Variants in TAS2R16 observed in about 807,000 individuals in gnomAD.
TAS2R16 encodes taste 2 receptor member 16.
Under a neutral mutation model 5.0 loss-of-function variants are expected in TAS2R16, and 5 were observed. That is an observed-to-expected ratio of 1.00 (90% CI 0.52 to 2.11). The LOEUF (loss-of-function observed/expected upper bound fraction) is 2.11. TAS2R16 is among the 30% of genes most tolerant of loss of function. The pLI is 0.01. For synonymous variants in TAS2R16, 142 were observed against 123.3 expected, an observed-to-expected ratio of 1.15 and a Z score of -1.00; for missense variants, 363 against 341.3, an observed-to-expected ratio of 1.06 and a Z score of -0.50.
rs767301116 is a variant in TAS2R16 at position 122,995,447 on chromosome 7, G to A, written c.188C>T (p.Ser63Leu). 7 of 1,613,652 alleles carry A rather than the reference G, an allele frequency of 4.3e-6. No individual in the cohort carries two copies. The African/African-American group carries it at 8.0e-5, about 18-fold the overall frequency. ...GISRFCLQWA[S>L]MLNNFCSYFN... The stretch of plus-strand genomic sequence containing the variant: ...ATAGGAGCAAAAATTGTTCAGCATT[G>A]ATGCCCACTGTAGACAGAAGCGAGA... The change falls in exon 1 of 1, where the codon TCA becomes TTA. Residue 63 changes from serine to leucine, a missense_variant. Physicochemically the swap from Ser to Leu is moderately radical, Grantham distance 145. Transcript: ENST00000249284.
In TAS2R16 at chr7:122,994,877, T is replaced by C. The variant is rs1407781369; in HGVS notation, c.758A>G (p.Asp253Gly). The change falls in exon 1 of 1, where the codon GAT becomes GGT. Residue 253 changes from aspartate to glycine, a missense_variant. Coordinates refer to ENST00000249284, the MANE Select transcript of TAS2R16 (RefSeq NM_016945.3). ...ILITIIGTLF[D>G]KRCWLWVWEA... The stretch of plus-strand genomic sequence containing the variant: ...CCAGACCCATAACCAACATCTCTTA[T>C]CAAATAGAGTACCTATAATGGTGAT... The C allele has an allele frequency of 1.9e-6, 3 of 1,613,638 alleles. No homozygotes were observed. Among genetic ancestry groups the C allele is most frequent in the Non-Finnish European group, 2.5e-6 (3 of 1,179,776 alleles).
chr7:122,995,345 C>T lies in TAS2R16; in HGVS notation c.290G>A (p.Ser97Asn), dbSNP rs1252936055. The T allele has an allele frequency of 1.9e-6, 3 of 1,613,528 alleles. No homozygotes were observed. In the African/African-American group the frequency reaches 4.0e-5, roughly 22 times the overall value. The change falls in exon 1 of 1, where the codon AGC becomes AAC. Residue 97 changes from serine to asparagine, a missense_variant. Ser to Asn is a conservative substitution (Grantham distance 46). Coordinates refer to ENST00000249284, the MANE Select transcript of TAS2R16 (RefSeq NM_016945.3). ...GATGCAGTAGAACACGGTAAGCAAG[C>T]TGTTTAACCAGAATGTAAGGATATT... is the stretch of plus-strand genomic sequence containing the variant. ...FFNILTFWLN[S>N]LLTVFYCIKV...
Position 122,995,627 on chromosome 7 carries a change from G to T in TAS2R16, c.8C>A (p.Pro3His), listed in dbSNP as rs746825040. 1 of 1,541,978 alleles carries T rather than the reference G, an allele frequency of 6.5e-7. No homozygotes were observed. The highest frequency in any genetic ancestry group is 2.3e-5 in the East Asian group (1 of 44,076). Residue 3 changes from proline (P) to histidine (H), a missense_variant, in exon 1 of 1, where the codon CCC becomes CAC. Coordinates refer to ENST00000249284, the MANE Select transcript of TAS2R16 (RefSeq NM_016945.3). ...CATGAAGAAGACAGTGAGTTGGATGGGTATCATTCTTCTACTCCAAAGTGT... is the reference window on the plus strand; with the variant it reads ...CATGAAGAAGACAGTGAGTTGGATGTGTATCATTCTTCTACTCCAAAGTGT... MIPIQLTVFFMII... is the reference protein window; with the variant it reads MIHIQLTVFFMII...
chr7:122,994,795 G>A lies in TAS2R16; in HGVS notation c.840C>T (p.Ser280=), dbSNP rs746516407. Reference sequence around the variant, plus strand: ...CCTTTAGAATCCTTTTCAACGTAGGGCTGCTCAGCATCAGTGAAGTGGAAT... The same window carrying A: ...CCTTTAGAATCCTTTTCAACGTAGGACTGCTCAGCATCAGTGAAGTGGAAT... The part of the protein sequence containing the change: ...LMHSTSLMLS[S]PTLKRILKGK... The change falls in exon 1 of 1, where the codon AGC becomes AGT. Residue 280 remains serine (S), a synonymous_variant. Transcript: ENST00000249284. 2 of 1,598,954 alleles carry A rather than the reference G, an allele frequency of 1.3e-6. No homozygotes were observed. The highest frequency in any genetic ancestry group is 1.1e-5 in the South Asian group (1 of 87,948).
Position 122,994,739 on chromosome 7 carries a change from G to T in TAS2R16, c.*20C>A. Reference sequence around the variant, plus strand: ...ATTGCTCGGGAGTCTTTTATCCTGTGCCTCAGGCAACCTCTAGGCCTAGCA... The same window carrying T: ...ATTGCTCGGGAGTCTTTTATCCTGTTCCTCAGGCAACCTCTAGGCCTAGCA... On this transcript the variant is annotated 3_prime_UTR_variant, in exon 1 of 1. Coordinates refer to ENST00000249284, the MANE Select transcript of TAS2R16 (RefSeq NM_016945.3). 2.0e-6 allele frequency: 3 copies of T among 1,529,716 alleles called. No homozygotes were observed. Among genetic ancestry groups the T allele is most frequent in the Non-Finnish European group, 2.6e-6 (3 of 1,143,012 alleles). 94.8% of individuals were successfully genotyped at this position (1,529,716 alleles called of 1,614,324 possible).
chr7:122,994,744 A>G lies in TAS2R16; in HGVS notation c.*15T>C, dbSNP rs199802735. ...TCGGGAGTCTTTTATCCTGTGCCTCAGGCAACCTCTAGGCCTAGCACTTTC... is the reference window on the plus strand; with the variant it reads ...TCGGGAGTCTTTTATCCTGTGCCTCGGGCAACCTCTAGGCCTAGCACTTTC... On this transcript the variant is annotated 3_prime_UTR_variant, in exon 1 of 1. Transcript: ENST00000249284. 4.4e-5 allele frequency: 67 copies of G among 1,531,262 alleles called. No individual in the cohort carries two copies. Among genetic ancestry groups the G allele is most frequent in the Non-Finnish European group, 5.8e-5 (66 of 1,143,786 alleles). 94.9% of individuals were successfully genotyped at this position (1,531,262 alleles called of 1,614,324 possible).
rs1403695292 is a variant in TAS2R16 at position 122,995,226 on chromosome 7, T to C, written c.409A>G (p.Thr137Ala). ...PWILLGSLMI[T>A]CVTIIPSAIG... ...GCTGAAGGGATGATTGTTACACAAG[T>C]AATCATCAGAGAACCCAGTAATATC... The change falls in exon 1 of 1, where the codon ACT becomes GCT. Residue 137 changes from threonine (T) to alanine (A), a missense_variant. Coordinates refer to ENST00000249284, the MANE Select transcript of TAS2R16 (RefSeq NM_016945.3). 8 of 1,613,722 alleles carry C rather than the reference T, an allele frequency of 5.0e-6. No homozygotes were observed. The highest frequency in any genetic ancestry group is 5.9e-6 in the Non-Finnish European group (7 of 1,179,866).
chr7:122,994,719 T>C lies in TAS2R16; in HGVS notation c.*40A>G. On this transcript the variant is annotated 3_prime_UTR_variant, in exon 1 of 1. Coordinates refer to ENST00000249284, the MANE Select transcript of TAS2R16 (RefSeq NM_016945.3). ...TTCTGGTATTAATTATATCAATTGC[T>C]CGGGAGTCTTTTATCCTGTGCCTCA... The C allele has an allele frequency of 6.6e-7, 1 of 1,517,494 alleles. No individual in the cohort carries two copies. Among genetic ancestry groups the C allele is most frequent in the Non-Finnish European group, 8.8e-7 (1 of 1,135,456 alleles). 94.0% of individuals were successfully genotyped at this position (1,517,494 alleles called of 1,614,324 possible). A position where few individuals can be genotyped will look rare whatever the true frequency, so the allele number is the denominator to read the frequency against.
Position 122,994,962 on chromosome 7 carries a change from C to A in TAS2R16, c.673G>T (p.Ala225Ser). 1 of 1,613,686 alleles carries A rather than the reference C, an allele frequency of 6.2e-7. No individual in the cohort carries two copies. The highest frequency in any genetic ancestry group is 8.5e-7 in the Non-Finnish European group (1 of 1,179,806). ...CNPSMKARFT[A>S]LRSLAVLFIV... ...AATAAGACGGCAAGGGACCTCAGGGCAGTGAAGCGCGCTTTCATGCTTGGA... is the reference window on the plus strand; with the variant it reads ...AATAAGACGGCAAGGGACCTCAGGGAAGTGAAGCGCGCTTTCATGCTTGGA... Residue 225 changes from alanine to serine, a missense_variant, in exon 1 of 1, where the codon GCC (alanine) becomes TCC (serine). Ala to Ser is a moderately conservative substitution (Grantham distance 99). Coordinates refer to ENST00000249284, the MANE Select transcript of TAS2R16 (RefSeq NM_016945.3).
Position 122,995,472 on chromosome 7 carries a change from A to T in TAS2R16, c.163T>A (p.Ser55Thr). The T allele has an allele frequency of 6.2e-7, 1 of 1,613,832 alleles. No individual in the cohort carries two copies. Among genetic ancestry groups the T allele is most frequent in the African/African-American group, 1.3e-5 (1 of 75,048 alleles). ...VDMILISLGI[S>T]RFCLQWASML... ...GATGCCCACTGTAGACAGAAGCGAGAGATGCCCAGGCTGATGAGAATCATG... is the reference window on the plus strand; with the variant it reads ...GATGCCCACTGTAGACAGAAGCGAGTGATGCCCAGGCTGATGAGAATCATG... The change falls in exon 1 of 1, where the codon TCT becomes ACT. Residue 55 changes from serine to threonine, a missense_variant. Transcript: ENST00000249284.
At position 122,995,567 on chromosome 7, in the gene TAS2R16, A is replaced by G; in HGVS notation, c.68T>C (p.Val23Ala). 1.2e-6 allele frequency: 2 copies of G among 1,605,212 alleles called. No homozygotes were observed. Among genetic ancestry groups the G allele is most frequent in the Non-Finnish European group, 1.7e-6 (2 of 1,176,406 alleles). The change falls in exon 1 of 1, where the codon GTG (valine) becomes GCG (alanine). Residue 23 changes from valine (V) to alanine (A), a missense_variant. Coordinates refer to ENST00000249284, the MANE Select transcript of TAS2R16 (RefSeq NM_016945.3). ...CACTGCAACAATTAGGCTGCTCTGCACAATAATTGTCAAGGACTCAAGCAC... is the reference window on the plus strand; with the variant it reads ...CACTGCAACAATTAGGCTGCTCTGCGCAATAATTGTCAAGGACTCAAGCAC... ...IYVLESLTII[V>A]QSSLIVAVLG...
Position 122,995,480 on chromosome 7 carries a change from A to G in TAS2R16, c.155T>C (p.Leu52Pro). ...CTGTAGACAGAAGCGAGAGATGCCC[A>G]GGCTGATGAGAATCATGTCCACAGG... ...LMPVDMILIS[L>P]GISRFCLQWA... Residue 52 changes from leucine (L) to proline (P), a missense_variant, in exon 1 of 1, where the codon CTG becomes CCG. Leu to Pro is a moderately conservative substitution (Grantham distance 98). Coordinates refer to ENST00000249284, the MANE Select transcript of TAS2R16 (RefSeq NM_016945.3). The G allele has an allele frequency of 6.2e-7, 1 of 1,613,828 alleles. No individual in the cohort carries two copies. The highest frequency in any genetic ancestry group is 8.5e-7 in the Non-Finnish European group (1 of 1,179,854).
rs765993933 is a variant in TAS2R16, at chr7:122,995,121, T to G, written c.514A>C (p.Asn172His). The change falls in exon 1 of 1, where the codon AAT (asparagine) becomes CAT (histidine). Residue 172 changes from asparagine to histidine, a missense_variant. Asn to His is a moderately conservative substitution (Grantham distance 68). Coordinates refer to ENST00000249284, the MANE Select transcript of TAS2R16 (RefSeq NM_016945.3). ...RNSTVTDKLE[N>H]FHQYQFQAHT... ...GCCTGGAACTGATACTGATGAAAAT[T>G]TTCAAGTTTGTCAGTTACAGTGCTG... 2.2e-5 allele frequency: 35 copies of G among 1,613,716 alleles called. No homozygotes were observed. The highest frequency in any genetic ancestry group is 2.8e-5 in the Non-Finnish European group (33 of 1,179,894).
rs1358636927 is a variant in TAS2R16, at chr7:122,995,213, A to G, written c.422T>C (p.Ile141Thr). 6.2e-7 allele frequency: 1 copy of G among 1,613,852 alleles called. No individual in the cohort carries two copies. Among genetic ancestry groups the G allele is most frequent in the African/African-American group, 1.3e-5 (1 of 75,030 alleles). ...LGSLMITCVT[I>T]IPSAIGNYIQ... ...GTAATTCCCAATAGCTGAAGGGATG[A>G]TTGTTACACAAGTAATCATCAGAGA... is the stretch of plus-strand genomic sequence containing the variant. The change falls in exon 1 of 1, where the codon ATC becomes ACC. Residue 141 changes from isoleucine to threonine, a missense_variant. Transcript: ENST00000249284.
chr7:122,995,416 A>G lies in TAS2R16; in HGVS notation c.219T>C (p.Asn73=). Residue 73 remains asparagine, a synonymous_variant, in exon 1 of 1, where the codon AAT becomes AAC. Transcript: ENST00000249284. ...SMLNNFCSYF[N]LNYVLCNLTI... ...TTAAGTTGCAAAGTACATAATTCAAATTAAAATAGGAGCAAAAATTGTTCA... is the reference window on the plus strand; with the variant it reads ...TTAAGTTGCAAAGTACATAATTCAAGTTAAAATAGGAGCAAAAATTGTTCA... 6.2e-7 allele frequency: 1 copy of G among 1,613,706 alleles called. No individual in the cohort carries two copies. Among genetic ancestry groups the G allele is most frequent in the South Asian group, 1.1e-5 (1 of 91,054 alleles).
At position 122,995,680 on chromosome 7, in the gene TAS2R16, G is replaced by C. The variant is rs778631754; in HGVS notation, c.-46C>G. On this transcript the variant is annotated 5_prime_UTR_variant, in exon 1 of 1. Coordinates refer to ENST00000249284, the MANE Select transcript of TAS2R16 (RefSeq NM_016945.3). ...TCCTGGACAAAGACTCTGAATCTCT[G>C]TACCAATTTCCAGGTAGAGAATGGG... 2 of 1,490,212 alleles carry C rather than the reference G, an allele frequency of 1.3e-6. No individual in the cohort carries two copies. The highest frequency in any genetic ancestry group is 1.8e-6 in the Non-Finnish European group (2 of 1,121,784). The allele number at this position is 1,490,212 out of a possible 1,614,324, so 92.3% of individuals were successfully genotyped here. A position where few individuals can be genotyped will look rare whatever the true frequency, so the allele number is the denominator to read the frequency against.
At chr7:122,995,251 C>T in the TAS2R16 span, 5 of 1,613,462 alleles carry the variant, frequency 3.1e-6, no homozygotes, top group East Asian at 1.1e-4. Context: ...CCAGTAATAT[C>T]CAGGGAAACA....
In TAS2R16 at chr7:122,995,470, A is replaced by G. The variant is rs151196645; in HGVS notation, c.165T>C (p.Ser55=). The change falls in exon 1 of 1, where the codon TCT becomes TCC. Residue 55 remains serine (S), a synonymous_variant. Coordinates refer to ENST00000249284, the MANE Select transcript of TAS2R16 (RefSeq NM_016945.3). The part of the protein sequence containing the change: ...VDMILISLGI[S]RFCLQWASML... ...TTGATGCCCACTGTAGACAGAAGCG[A>G]GAGATGCCCAGGCTGATGAGAATCA... 1.5e-5 allele frequency: 25 copies of G among 1,613,828 alleles called. No individual in the cohort carries two copies. The African/African-American group carries it at 3.2e-4, about 21-fold the overall frequency.
In TAS2R16 at chr7:122,995,197, A is replaced by C. The variant is rs1177144514; in HGVS notation, c.438T>G (p.Ile146Met). 5.0e-6 allele frequency: 8 copies of C among 1,613,738 alleles called. No homozygotes were observed. The highest frequency in any genetic ancestry group is 1.3e-5 in the African/African-American group (1 of 74,900). Residue 146 changes from isoleucine to methionine, a missense_variant, in exon 1 of 1, where the codon ATT (isoleucine) becomes ATG (methionine). By Grantham distance (10) the Ile-to-Met change is conservative. Coordinates refer to ENST00000249284, the MANE Select transcript of TAS2R16 (RefSeq NM_016945.3). The stretch of plus-strand genomic sequence containing the variant: ...GTAACTGAATTTGAATGTAATTCCC[A>C]ATAGCTGAAGGGATGATTGTTACAC... ...ITCVTIIPSAIGNYIQIQLLT... is the reference protein window; with the variant it reads ...ITCVTIIPSAMGNYIQIQLLT...
Sources: allele counts gnomAD v4.1 joint callset, GRCh38; gene constraint gnomAD v4.1.1; transcripts MANE v1.5; gene names NCBI Gene and HGNC (gene_info 2026-07-23, HGNC 2026-07-21).